The following NTN4 variants were observed in gnomAD, a reference collection of about 807,000 sequenced individuals.
The protein encoded by NTN4 is netrin 4, also known as netrin-4.
NTN4 carries 32 observed loss-of-function variants against 73.6 expected under a neutral mutation model. The observed-to-expected ratio is 0.44, with a 90% CI of 0.33 to 0.58. The LOEUF is 0.58. Ranked by LOEUF, NTN4 falls within the 20% of genes least tolerant of loss-of-function variation. The pLI is 0.04. For synonymous variants in NTN4, 258 were observed against 287.5 expected, an observed-to-expected ratio of 0.90 and a Z score of 1.04; for missense variants, 654 against 798.3, an observed-to-expected ratio of 0.82 and a Z score of 2.18.
At chr12:95,703,743 CT>C (rs1412878847) in intron 5 of NTN4, among the ~76,000 whole-genome samples, 1 of 152,132 alleles carries the variant, frequency 6.6e-6, no homozygotes, top group Non-Finnish European at 1.5e-5. Flanking sequence ...TCCATTTTTT[CT>C]CAGTAAACCT....
intron 5 of NTN4, among the ~76,000 whole-genome samples, chr12:95,704,495 A>T (rs2078509257): frequency 6.6e-6 from 1 of 152,186 alleles, no homozygotes; most frequent in African/African-American, 2.4e-5. Flanking sequence ...CATAAGCTTT[A>T]TTATCAGTTA....
At chr12:95,675,070 T>C (rs1036624428) in intron 7 of NTN4, among the ~76,000 whole-genome samples, 2 of 152,224 alleles carry the variant, frequency 1.3e-5, no homozygotes, top group Non-Finnish European at 2.9e-5. Context: ...AAAGTGGCTA[T>C]TAAAGTTAAA....
At chr12:95,687,783 C>A (rs969642578) in intron 5 of NTN4, among the ~76,000 whole-genome samples, 29 of 152,230 alleles carry the variant, frequency 1.9e-4, no homozygotes, top group African/African-American at 7.0e-4. Flanking sequence ...ACAGAAGGAT[C>A]TTTATCTTCT....
At chr12:95,776,883 A>C (rs1339573243) in intron 2 of NTN4, among the ~76,000 whole-genome samples, 3 of 152,206 alleles carry the variant, frequency 2.0e-5, no homozygotes, top group African/African-American at 2.4e-5. Context: ...GTTGAAATGA[A>C]GGAAAAAATG....
At chr12:95,662,992 T>G (rs2078150174) in intron 9 of NTN4, among the ~76,000 whole-genome samples, 1 of 152,002 alleles carries the variant, frequency 6.6e-6, no homozygotes, top group Non-Finnish European at 1.5e-5. Flanking sequence ...TTTGGTGGCA[T>G]GTCTATAGTC....
chr12:95,685,008 T>A (rs1191699646), intron 5 of NTN4, among the ~76,000 whole-genome samples: 1 of 152,154 alleles, frequency 6.6e-6, no homozygotes, highest in Non-Finnish European at 1.5e-5. Context: ...TAGCTGGGAC[T>A]ACAGGCACAC....
In NTN4 at chr12:95,789,402, C is replaced by G. The variant is rs1229998434; in HGVS notation, c.55+853G>C. Among the ~76,000 whole-genome samples, 3 of 152,212 alleles carry G rather than the reference C, an allele frequency of 2.0e-5. No individual in the cohort carries two copies. Among genetic ancestry groups the G allele is most frequent in the Admixed American group, 6.5e-5 (1 of 15,288 alleles). On this transcript the variant is annotated intron_variant, in intron 1 of 9. Coordinates refer to ENST00000343702, the MANE Select transcript of NTN4 (RefSeq NM_021229.4). This position sits in a 1 kb window ranked among gnomAD's most constrained non-coding sequence, Gnocchi z 4.0. ...CTGCAGACTCCCTCACATCTCTCCC[C>G]CTCACCTACAGGGCTGCGCTTACGC...
intron 2 of NTN4, among the ~76,000 whole-genome samples, chr12:95,746,796 C>CT (rs1592700538): frequency 6.6e-6 from 1 of 152,196 alleles, no homozygotes; most frequent in Non-Finnish European, 1.5e-5. Context: ...ACTGGACACC[C>CT]TCTCTAGGCA....
intron 2 of NTN4, among the ~76,000 whole-genome samples, chr12:95,753,059 T>C (rs1372189940): frequency 3.9e-5 from 6 of 152,208 alleles, no homozygotes; most frequent in South Asian, 2.1e-4. Context: ...CCCATGACTG[T>C]ATTTCTCTGA....
intron 2 of NTN4, among the ~76,000 whole-genome samples, chr12:95,763,470 T>C (rs768420290): frequency 3.5e-4 from 54 of 152,350 alleles, no homozygotes; most frequent in South Asian, 8.3e-4. Flanking sequence ...ACAAAACAAG[T>C]CTACTTTATC....
chr12:95,683,478 C>A lies in NTN4; in HGVS notation c.1394+20G>T. 1 of 1,606,640 alleles carries A rather than the reference C, an allele frequency of 6.2e-7. No homozygotes were observed. Among genetic ancestry groups the A allele is most frequent in the Non-Finnish European group, 8.5e-7 (1 of 1,173,768 alleles). On this transcript the variant is annotated intron_variant, in intron 6 of 9. Transcript: ENST00000343702. ...AGCCTGAAATACATGCAGCTGAGAG[C>A]AAGAGCCTTGCACATTCACCTGCTG...
intron 3 of NTN4, among the ~76,000 whole-genome samples, chr12:95,735,945 A>ATTT (rs1407329925): frequency 1.1e-4 from 15 of 135,352 alleles, no homozygotes; most frequent in Admixed American, 7.5e-5. Flanking sequence ...TTATTTATTT[A>ATTT]TTTATTTTTT....
chr12:95,671,471 C>T (rs1042657800), intron 7 of NTN4, among the ~76,000 whole-genome samples: 3 of 152,108 alleles, frequency 2.0e-5, no homozygotes, highest in East Asian at 1.9e-4. Context: ...GCCTGAGCTC[C>T]GCCTCCTGTT....
chr12:95,755,369 C>T (rs2078940674), intron 2 of NTN4, among the ~76,000 whole-genome samples: 1 of 152,094 alleles, frequency 6.6e-6, no homozygotes, highest in African/African-American at 2.4e-5. Flanking sequence ...AGGGTTGCAG[C>T]GAGTGGGAGT....
At chr12:95,784,612 C>G (rs1592721698) in intron 2 of NTN4, among the ~76,000 whole-genome samples, 1 of 151,504 alleles carries the variant, frequency 6.6e-6, no homozygotes, top group East Asian at 1.9e-4. Context: ...ACTAAAAATA[C>G]AAAAAAAAGC....
chr12:95,682,057 C>CTGTTTTTTTTTTT (rs2078320353), intron 7 of NTN4, among the ~76,000 whole-genome samples: 1 of 64,546 alleles, frequency 1.5e-5, no homozygotes, highest in African/African-American at 6.8e-5. Context: ...ATTCAGTAGG[C>CTGTTTTTTTTTTT]TTTTTTTTTT....
chr12:95,661,863 A>G (rs2120908091), intron 9 of NTN4, among the ~76,000 whole-genome samples: 1 of 152,198 alleles, frequency 6.6e-6, no homozygotes. Flanking sequence ...GAGTTGAAGG[A>G]CTGAAAAACT....
At chr12:95,763,934 G>C (rs1015216884) in intron 2 of NTN4, among the ~76,000 whole-genome samples, 1 of 152,146 alleles carries the variant, frequency 6.6e-6, no homozygotes, top group African/African-American at 2.4e-5. Context: ...TGGTAAAACT[G>C]GAATGCAAGA....
chr12:95,749,508 C>T (rs908002523), intron 2 of NTN4, among the ~76,000 whole-genome samples: 3 of 152,204 alleles, frequency 2.0e-5, no homozygotes, highest in Non-Finnish European at 4.4e-5. Context: ...ACTCTTCAAT[C>T]TCTCCCTTCT....
Sources: allele counts gnomAD v4.1 joint callset (sites outside exome capture counted in the v4.1 genomes callset), GRCh38; gene constraint gnomAD v4.1.1; non-coding constraint Gnocchi (gnomAD v3.1); transcripts MANE v1.5; gene names NCBI Gene and HGNC (gene_info 2026-07-23, HGNC 2026-07-21).